MVB12B: variants seen among roughly 807,000 people sequenced by gnomAD.
The protein encoded by MVB12B is multivesicular body subunit 12B.
Under a neutral mutation model 41.6 loss-of-function variants are expected in MVB12B, and 16 were observed. The ratio of observed to expected loss-of-function variants is 0.38; its 90% CI spans 0.26 to 0.58. The LOEUF is 0.58. Among genes scored for constraint, MVB12B ranks in the 20% least tolerant of loss-of-function variants. The pLI, the probability that MVB12B is intolerant of heterozygous loss-of-function variation, is 0.62. For missense variants in MVB12B, 274 were observed against 380.2 expected, an observed-to-expected ratio of 0.72 and a Z score of 2.32; for synonymous variants, 133 against 139.7, an observed-to-expected ratio of 0.95 and a Z score of 0.34.
intron 1 of MVB12B, among the ~76,000 whole-genome samples, chr9:126,336,446 G>C (rs1415417864): frequency 6.6e-6 from 1 of 152,228 alleles, no homozygotes. Context: ...TCAGCTACAA[G>C]GGAGCAGTGT....
chr9:126,481,774 A>G (rs1833527450), intron 8 of MVB12B, among the ~76,000 whole-genome samples: 1 of 152,224 alleles, frequency 6.6e-6, no homozygotes, highest in Non-Finnish European at 1.5e-5. Context: ...GCCGCACGTG[A>G]TTAACCCGAC....
At chr9:126,365,556 G>T (rs897772436) in intron 2 of MVB12B, among the ~76,000 whole-genome samples, 18 of 152,004 alleles carry the variant, frequency 1.2e-4, no homozygotes, top group Non-Finnish European at 2.2e-4. Context: ...GGCCAGGCTG[G>T]TCTCAAACTC....
At chr9:126,455,149 G>A (rs991065435) in intron 7 of MVB12B, among the ~76,000 whole-genome samples, 1 of 152,116 alleles carries the variant, frequency 6.6e-6, no homozygotes, top group Non-Finnish European at 1.5e-5. Flanking sequence ...GAGCTGGCTA[G>A]AGGTGAATTT....
intron 7 of MVB12B, among the ~76,000 whole-genome samples, chr9:126,424,813 A>G (rs1485587643): frequency 6.6e-6 from 1 of 152,266 alleles, no homozygotes; most frequent in Admixed American, 6.5e-5. Flanking sequence ...CAAAGCCAGC[A>G]TCCATCCTCA....
At chr9:126,337,837 C>G (rs567456558) in intron 1 of MVB12B, among the ~76,000 whole-genome samples, 14 of 152,230 alleles carry the variant, frequency 9.2e-5, no homozygotes, top group Non-Finnish European at 1.9e-4. Context: ...AGAGGGCCCG[C>G]ATGAATGGCC....
chr9:126,417,104 TG>T (rs1564320073), intron 6 of MVB12B, among the ~76,000 whole-genome samples: 1 of 152,192 alleles, frequency 6.6e-6, no homozygotes, highest in African/African-American at 2.4e-5. Flanking sequence ...GAAGCAGAAA[TG>T]CAGGGGAAGC....
chr9:126,498,654 G>A (rs760574231), intron 9 of MVB12B, among the ~76,000 whole-genome samples: 18 of 152,250 alleles, frequency 1.2e-4, no homozygotes, highest in East Asian at 1.9e-4. Flanking sequence ...CCCAGGCCTC[G>A]TCCAGCATTG....
At chr9:126,398,470 T>C (rs1831180402) in intron 6 of MVB12B, among the ~76,000 whole-genome samples, 3 of 152,236 alleles carry the variant, frequency 2.0e-5, no homozygotes, top group Admixed American at 2.0e-4. Flanking sequence ...CAGATGCTTA[T>C]AACCTTTTGT....
intron 9 of MVB12B, among the ~76,000 whole-genome samples, chr9:126,497,022 G>A (rs1833850699): frequency 6.6e-6 from 1 of 152,192 alleles, no homozygotes; most frequent in African/African-American, 2.4e-5. Context: ...TGACTGGGAT[G>A]CGGACTAGTA....
chr9:126,366,307 C>G (rs1289446370), intron 2 of MVB12B, among the ~76,000 whole-genome samples: 5 of 152,100 alleles, frequency 3.3e-5, no homozygotes, highest in Non-Finnish European at 7.4e-5. Flanking sequence ...TTCTCAACCT[C>G]ATCTCTACTT....
chr9:126,409,025 G>A (rs1044724760), intron 6 of MVB12B, among the ~76,000 whole-genome samples: 4 of 152,110 alleles, frequency 2.6e-5, no homozygotes, highest in South Asian at 2.1e-4. Context: ...GCCTCAAATC[G>A]GCCTTGTGGG....
chr9:126,461,875 C>G (rs1031667492), intron 7 of MVB12B, among the ~76,000 whole-genome samples: 2 of 152,168 alleles, frequency 1.3e-5, no homozygotes, highest in Admixed American at 1.3e-4. Context: ...TGGGGGCCCT[C>G]GCCCACCCGC....
intron 6 of MVB12B, chr9:126,396,774 G>T (rs936025614): frequency 7.1e-6 from 7 of 985,326 alleles, no homozygotes; most frequent in Non-Finnish European, 6.0e-6. Flanking sequence ...ACTACCCCTG[G>T]AATTGCCTGA....
At chr9:126,356,393 TTC>T (rs1174793743) in intron 2 of MVB12B, among the ~76,000 whole-genome samples, 1 of 152,148 alleles carries the variant, frequency 6.6e-6, no homozygotes, top group Non-Finnish European at 1.5e-5. Flanking sequence ...GTTTTGTCAT[TTC>T]TGTTATTGTA....
intron 1 of MVB12B, among the ~76,000 whole-genome samples, chr9:126,329,986 C>T (rs1829083876): frequency 6.6e-6 from 1 of 151,360 alleles, no homozygotes; most frequent in African/African-American, 2.4e-5. Context: ...TCGTGGCTTC[C>T]CTGCGCTGTC....
rs1201440364 is a variant in MVB12B at position 126,482,072 on chromosome 9, C to T, written c.813+648C>T. ...TTATCAGAGGGACCGAGTGAGCTGG[C>T]CGGGACCAAAGGCCAACTTCAGACT... is the stretch of plus-strand genomic sequence containing the variant. On this transcript the variant is annotated intron_variant, in intron 8 of 9. Transcript: ENST00000361171. Among the ~76,000 whole-genome samples the T allele has an allele frequency of 6.6e-5, 10 of 152,224 alleles. 1 individual carries two copies. The highest frequency in any genetic ancestry group is 1.3e-4 in the Non-Finnish European group (9 of 68,048).
At chr9:126,330,077 T>C (rs1456858520) in intron 1 of MVB12B, among the ~76,000 whole-genome samples, 1 of 152,150 alleles carries the variant, frequency 6.6e-6, no homozygotes, top group Non-Finnish European at 1.5e-5. Flanking sequence ...CAGAGTGTGC[T>C]TGACATTACC....
intron 7 of MVB12B, among the ~76,000 whole-genome samples, chr9:126,451,083 C>T (rs189131296): frequency 6.6e-6 from 1 of 152,324 alleles, no homozygotes; most frequent in Admixed American, 6.5e-5. Context: ...TAGGTGGCAT[C>T]TCTGCATCAC....
chr9:126,493,549 G>A (rs572876374), intron 9 of MVB12B, among the ~76,000 whole-genome samples: 42 of 152,112 alleles, frequency 2.8e-4, no homozygotes, highest in Non-Finnish European at 5.4e-4. Context: ...TTAGAATCTT[G>A]GGGGCGAAGG....
Sources: allele counts gnomAD v4.1 joint callset (sites outside exome capture counted in the v4.1 genomes callset), GRCh38; gene constraint gnomAD v4.1.1; transcripts MANE v1.5; gene names NCBI Gene and HGNC (gene_info 2026-07-23, HGNC 2026-07-21).